The following LRRC74A variants were observed in gnomAD, a reference collection of about 807,000 sequenced individuals.
LRRC74A encodes the protein leucine rich repeat containing 74A.
A neutral mutation model predicts 57.9 loss-of-function variants in LRRC74A; 44 were observed. The observed-to-expected ratio is 0.76, with a 90% CI of 0.60 to 0.98. LRRC74A has a LOEUF of 0.98. LRRC74A is among the 50% of genes least tolerant of loss of function. LRRC74A has a pLI of 0.00. For missense variants in LRRC74A, 572 were observed against 574.0 expected, an observed-to-expected ratio of 1.00 and a Z score of 0.04; for synonymous variants, 211 against 219.4, an observed-to-expected ratio of 0.96 and a Z score of 0.34.
chr14:76,856,427 C>A (rs1184340244), intron 9 of LRRC74A, among the ~76,000 whole-genome samples: 1 of 152,192 alleles, frequency 6.6e-6, no homozygotes, highest in Non-Finnish European at 1.5e-5. Context: ...AGGGCAGAAA[C>A]CTTGCCATGT....
At chr14:76,859,398 GT>G (rs1898128717) in intron 10 of LRRC74A, among the ~76,000 whole-genome samples, 1 of 152,016 alleles carries the variant, frequency 6.6e-6, no homozygotes, top group South Asian at 2.1e-4. Context: ...GCCGGCCATG[GT>G]GGCGCATGCC....
At chr14:76,861,338 C>T (rs183013591) in intron 11 of LRRC74A, among the ~76,000 whole-genome samples, 1 of 152,282 alleles carries the variant, frequency 6.6e-6, no homozygotes, top group East Asian at 1.9e-4. Context: ...TCAAGACATC[C>T]CTGCGGTCAG....
chr14:76,868,651 C>T (rs1464045145), intron 13 of LRRC74A, among the ~76,000 whole-genome samples: 2 of 152,200 alleles, frequency 1.3e-5, no homozygotes, highest in African/African-American at 2.4e-5. Context: ...TCCCATCTGT[C>T]TTGGTGGCCC....
intron 7 of LRRC74A, among the ~76,000 whole-genome samples, chr14:76,848,726 AAAG>A (rs1292996630): frequency 2.0e-5 from 3 of 152,234 alleles, no homozygotes; most frequent in Non-Finnish European, 2.9e-5. Context: ...TGAGAGGAAG[AAAG>A]AAGAATAAAC....
intron 2 of LRRC74A, among the ~76,000 whole-genome samples, chr14:76,829,940 G>A (rs1895854785): frequency 6.6e-6 from 1 of 152,150 alleles, no homozygotes; most frequent in African/African-American, 2.4e-5. Flanking sequence ...CACAACAGTG[G>A]TTCTCACCTG....
chr14:76,848,244 C>T (rs61989410), intron 7 of LRRC74A, among the ~76,000 whole-genome samples: 8,251 of 151,450 alleles, frequency 0.054, 291 homozygotes, highest in Non-Finnish European at 0.082. Context: ...CAAACCTGCA[C>T]GTTGTGCACA....
At chr14:76,849,662 ACG>A (rs1269241411) in intron 7 of LRRC74A, among the ~76,000 whole-genome samples, 5 of 122,082 alleles carry the variant, frequency 4.1e-5, no homozygotes, top group Non-Finnish European at 9.3e-5. Context: ...AATTAGCTGG[ACG>A]TGGTGACTTG....
At chr14:76,832,189 G>A (rs1232835841) in intron 3 of LRRC74A, among the ~76,000 whole-genome samples, 1 of 152,190 alleles carries the variant, frequency 6.6e-6, no homozygotes, top group Non-Finnish European at 1.5e-5. Context: ...TGCTCACTGT[G>A]CAGTAAGGAC....
Position 76,852,384 on chromosome 14 carries a change from G to A in LRRC74A, c.696G>A (p.Thr232=), listed in dbSNP as rs141795552. 27 of 1,611,866 alleles carry A rather than the reference G, an allele frequency of 1.7e-5. No individual in the cohort carries two copies. The highest frequency in any genetic ancestry group is 3.3e-5 in the South Asian group (3 of 90,704). Residue 232 remains threonine, a synonymous_variant, in exon 8 of 14, where the codon ACG becomes ACA. Transcript: ENST00000689127. The stretch of plus-strand genomic sequence containing the variant: ...TTTCAGCCATCAACGTGGGGCTCAC[G>A]TCACTGGATCTGAGCTGGAATAACT... ...GQMLAINVGL[T]SLDLSWNNFH...
At chr14:76,859,975 T>C (rs1898180482) in intron 10 of LRRC74A, among the ~76,000 whole-genome samples, 1 of 152,046 alleles carries the variant, frequency 6.6e-6, no homozygotes, top group Admixed American at 6.6e-5. Context: ...ATCGAGCCTG[T>C]ATTAGCCTTC....
At chr14:76,838,923 A>T (rs574169852) in intron 5 of LRRC74A, among the ~76,000 whole-genome samples, 1 of 152,312 alleles carries the variant, frequency 6.6e-6, no homozygotes, top group Non-Finnish European at 1.5e-5. Flanking sequence ...TTTTTAACAT[A>T]AATGTTTTTA....
At position 76,866,095 on chromosome 14, in the gene LRRC74A, C is replaced by G. The variant is rs1398823185; in HGVS notation, c.1308+20C>G. On this transcript the variant is annotated intron_variant, in intron 12 of 13. Coordinates refer to ENST00000689127, the MANE Select transcript of LRRC74A (RefSeq NM_001385106.1). Reference sequence around the variant, plus strand: ...ATAGAGGTGTGCTGGGTCCTAGTGGCAACAGGCTGTGTGTGAGTGTGAGTG... The same window carrying G: ...ATAGAGGTGTGCTGGGTCCTAGTGGGAACAGGCTGTGTGTGAGTGTGAGTG... The G allele has an allele frequency of 6.8e-7, 1 of 1,471,292 alleles. No homozygotes were observed. The highest frequency in any genetic ancestry group is 9.4e-7 in the Non-Finnish European group (1 of 1,064,662). 91.1% of individuals were successfully genotyped at this position (1,471,292 alleles called of 1,614,324 possible).
At chr14:76,827,916 T>G (rs916068960) in intron 1 of LRRC74A, among the ~76,000 whole-genome samples, 2 of 141,556 alleles carry the variant, frequency 1.4e-5, no homozygotes, top group Non-Finnish European at 3.2e-5. Flanking sequence ...AGGAAGCCTA[T>G]GTATCGGGAC....
chr14:76,838,844 T>C (rs1302009658), intron 5 of LRRC74A, among the ~76,000 whole-genome samples: 1 of 152,148 alleles, frequency 6.6e-6, no homozygotes, highest in Non-Finnish European at 1.5e-5. Context: ...CAAGCAATCC[T>C]CCCGCCTCAG....
chr14:76,867,467 T>A, intron 13 of LRRC74A, 29 bp downstream of exon 13: 4 of 1,291,928 alleles, frequency 3.1e-6, no homozygotes, highest in Non-Finnish European at 4.5e-6. Context: ...ACGATCCCCG[T>A]TCTCTGCAAG....
intron 5 of LRRC74A, among the ~76,000 whole-genome samples, chr14:76,843,394 T>C (rs1396364379): frequency 1.3e-5 from 2 of 152,178 alleles, no homozygotes. Flanking sequence ...TTATTCTTCT[T>C]GATTACTGAG....
At chr14:76,850,844 C>CAAAAAAA (rs36208311) in intron 7 of LRRC74A, among the ~76,000 whole-genome samples, 1 of 130,844 alleles carries the variant, frequency 7.6e-6, no homozygotes, top group Non-Finnish European at 1.6e-5. Flanking sequence ...AACTCTGTCT[C>CAAAAAAA]AAAAAAAAAA....
rs1030231279 is a variant in LRRC74A, at chr14:76,826,744, C to T, written c.37+10C>T. On this transcript the variant is annotated intron_variant, in intron 1 of 13. Coordinates refer to ENST00000689127, the MANE Select transcript of LRRC74A (RefSeq NM_001385106.1). ...CAGCCTGAGACAGAAGGTGAAAGGG[C>T]ATCCCATCTCTCACCACTCAGGCCC... The T allele has an allele frequency of 1.3e-6, 2 of 1,489,268 alleles. No individual in the cohort carries two copies. The highest frequency in any genetic ancestry group is 2.8e-5 in the African/African-American group (2 of 71,880). 92.3% of individuals were successfully genotyped at this position (1,489,268 alleles called of 1,614,324 possible). A position where few individuals can be genotyped will look rare whatever the true frequency, so the allele number is the denominator to read the frequency against.
Position 76,844,840 on chromosome 14 carries a change from G to T in LRRC74A, c.615G>T (p.Lys205Asn), listed in dbSNP as rs1468034912. 1.3e-6 allele frequency: 2 copies of T among 1,586,002 alleles called. 1 individual carries two copies. The highest frequency in any genetic ancestry group is 2.2e-5 in the South Asian group (2 of 90,432). ...TGTAGACCAATTACCAAATTAAAAA[G>T]CTGGATCTCAGTCACAACCAATTCT... ...QALSTNYQIK[K>N]LDLSHNQFSD... Residue 205 changes from lysine to asparagine, a missense_variant, in exon 7 of 14, where the codon AAG becomes AAT. By Grantham distance (94) the Lys-to-Asn change is moderately conservative. Coordinates refer to ENST00000689127, the MANE Select transcript of LRRC74A (RefSeq NM_001385106.1).
Sources: gnomAD v4.1 joint callset for allele counts (sites outside exome capture counted in the v4.1 genomes callset) on GRCh38, gnomAD v4.1.1 for gene constraint, MANE v1.5 for transcripts, NCBI Gene and HGNC (gene_info 2026-07-23, HGNC 2026-07-21) for gene names.